The following PTPRT variants were observed in gnomAD, a reference collection of about 807,000 sequenced individuals.
PTPRT encodes the protein protein tyrosine phosphatase receptor type T.
Under a neutral mutation model 176.8 loss-of-function variants are expected in PTPRT, and 56 were observed. The ratio of observed to expected loss-of-function variants is 0.32; its 90% CI spans 0.26 to 0.40. PTPRT has a LOEUF of 0.40. PTPRT is among the 10% of genes least tolerant of loss of function. The probability of loss-of-function intolerance (pLI) is 1.00; values close to 1 mark genes in which losing one functional copy is unlikely to be tolerated. For missense variants in PTPRT, 1,540 were observed against 1,908.2 expected, an observed-to-expected ratio of 0.81 and a Z score of 3.60; for synonymous variants, 783 against 739.0, an observed-to-expected ratio of 1.06 and a Z score of -0.96.
At chr20:43,080,606 C>T (rs900565040) in intron 1 of PTPRT, among the ~76,000 whole-genome samples, 1 of 152,198 alleles carries the variant, frequency 6.6e-6, no homozygotes. Context: ...TGCTCTTCCT[C>T]CCACAGTGTG....
At chr20:42,743,347 T>C (rs1377953508) in intron 6 of PTPRT, among the ~76,000 whole-genome samples, 2 of 151,952 alleles carry the variant, frequency 1.3e-5, no homozygotes, top group Non-Finnish European at 2.9e-5. Flanking sequence ...TAGGAAAGCA[T>C]GAAAAAGGAG....
intron 1 of PTPRT, among the ~76,000 whole-genome samples, chr20:43,072,946 T>C (rs139562219): frequency 2.6e-5 from 4 of 152,276 alleles, no homozygotes; most frequent in African/African-American, 4.8e-5. Flanking sequence ...CCAGGTGTGG[T>C]CCTTTACCAT....
chr20:42,448,343 A>T lies in PTPRT; in HGVS notation c.1451-14T>A. ...CAGCTCCTGGAACTACAGAATGGAA[A>T]AGTTATGAACTTGATGTCACCTTCC... On this transcript the variant is annotated splice_polypyrimidine_tract_variant and intron_variant, in intron 8 of 30. Transcript: ENST00000373187. The T allele has an allele frequency of 1.9e-6, 3 of 1,585,960 alleles. No homozygotes were observed. Among genetic ancestry groups the T allele is most frequent in the Non-Finnish European group, 2.6e-6 (3 of 1,154,606 alleles).
intron 15 of PTPRT, among the ~76,000 whole-genome samples, chr20:42,221,418 C>A (rs1027456645): frequency 6.6e-6 from 1 of 152,104 alleles, no homozygotes; most frequent in African/African-American, 2.4e-5. Context: ...ACTCACAGTT[C>A]TGCATGGCTG....
chr20:42,344,079 T>A (rs1224518331), intron 11 of PTPRT, among the ~76,000 whole-genome samples: 1 of 152,186 alleles, frequency 6.6e-6, no homozygotes, highest in East Asian at 1.9e-4. Flanking sequence ...TTTGTATTTT[T>A]CATAGAGATG....
At chr20:42,394,018 A>G (rs375284285) in intron 9 of PTPRT, among the ~76,000 whole-genome samples, 2 of 152,136 alleles carry the variant, frequency 1.3e-5, no homozygotes, top group African/African-American at 4.8e-5. Context: ...AAAAATGCAC[A>G]AAGTCTATGA....
At chr20:43,122,763 T>G (rs1340694382) in intron 1 of PTPRT, among the ~76,000 whole-genome samples, 1 of 152,232 alleles carries the variant, frequency 6.6e-6, no homozygotes, top group Non-Finnish European at 1.5e-5. Flanking sequence ...GTTGGCACCA[T>G]GCTTCCTGTA....
At chr20:42,132,759 A>G (rs1475775695) in intron 18 of PTPRT, among the ~76,000 whole-genome samples, 1 of 152,192 alleles carries the variant, frequency 6.6e-6, no homozygotes, top group African/African-American at 2.4e-5. Flanking sequence ...ACAGTTTGAC[A>G]GTTTCTTACA....
chr20:42,419,966 C>T (rs1001751523), intron 9 of PTPRT, among the ~76,000 whole-genome samples: 1 of 152,120 alleles, frequency 6.6e-6, no homozygotes, highest in Admixed American at 6.5e-5. Context: ...TTGCTCATAA[C>T]AGCAGAAGCT....
chr20:42,236,882 C>G (rs181269118), intron 14 of PTPRT, among the ~76,000 whole-genome samples: 45 of 152,206 alleles, frequency 3.0e-4, no homozygotes, highest in African/African-American at 1.1e-3. Context: ...AGAGTCAGGA[C>G]TGACCCTGTG....
chr20:42,756,961 G>A (rs1329772144), intron 5 of PTPRT, among the ~76,000 whole-genome samples: 1 of 151,398 alleles, frequency 6.6e-6, no homozygotes, highest in Non-Finnish European at 1.5e-5. Context: ...TGAGGAAGGA[G>A]GATCGCCTGA....
intron 1 of PTPRT, among the ~76,000 whole-genome samples, chr20:43,019,159 A>G (rs1255790781): frequency 1.3e-5 from 2 of 152,246 alleles, no homozygotes; most frequent in Non-Finnish European, 2.9e-5. Context: ...TATATGAGCT[A>G]TTGTAGAAAG....
chr20:42,431,735 C>T (rs16986893), intron 9 of PTPRT, among the ~76,000 whole-genome samples: 2,741 of 152,192 alleles, frequency 0.018, 87 homozygotes, highest in African/African-American at 0.061. Flanking sequence ...AGATCCTTAA[C>T]GGGATTTCCT....
intron 1 of PTPRT, among the ~76,000 whole-genome samples, chr20:42,990,072 G>A (rs531411086): frequency 1.3e-5 from 2 of 152,254 alleles, no homozygotes; most frequent in East Asian, 1.9e-4. Flanking sequence ...ATCATGACAC[G>A]CACAAAACAT....
intron 1 of PTPRT, among the ~76,000 whole-genome samples, chr20:43,072,887 C>A (rs1428486974): frequency 1.3e-5 from 2 of 152,186 alleles, no homozygotes; most frequent in African/African-American, 4.8e-5. Context: ...GAATTTGTAT[C>A]TTCTTAAGCT....
intron 6 of PTPRT, among the ~76,000 whole-genome samples, chr20:42,691,461 T>C (rs1336777545): frequency 6.6e-6 from 1 of 152,166 alleles, no homozygotes; most frequent in East Asian, 1.9e-4. Context: ...TGTAAGCTGC[T>C]GAAATGGCTA....
intron 7 of PTPRT, among the ~76,000 whole-genome samples, chr20:42,542,399 A>G (rs1341761926): frequency 1.9e-5 from 2 of 106,500 alleles, no homozygotes; most frequent in Non-Finnish European, 4.3e-5. Flanking sequence ...TCCAGGGGGA[A>G]AAAAAATACA....
At chr20:43,044,498 C>T (rs933018406) in intron 1 of PTPRT, among the ~76,000 whole-genome samples, 1 of 152,172 alleles carries the variant, frequency 6.6e-6, no homozygotes, top group Non-Finnish European at 1.5e-5. Context: ...AACTTCATAA[C>T]GTACTGAAAA....
At chr20:42,591,118 A>C (rs2073565951) in intron 7 of PTPRT, among the ~76,000 whole-genome samples, 2 of 152,170 alleles carry the variant, frequency 1.3e-5, no homozygotes, top group African/African-American at 2.4e-5. Context: ...AATACAGAAA[A>C]ATAGAATTTT....
Sources: allele counts gnomAD v4.1 joint callset (sites outside exome capture counted in the v4.1 genomes callset), GRCh38; gene constraint gnomAD v4.1.1; transcripts MANE v1.5; gene names NCBI Gene and HGNC (gene_info 2026-07-23, HGNC 2026-07-21).